The following FOXN3 variants were observed in gnomAD, a reference collection of about 807,000 sequenced individuals.
The protein encoded by FOXN3 is forkhead box N3.
Under a neutral mutation model 38.4 loss-of-function variants are expected in FOXN3, and 7 were observed. The observed-to-expected ratio is 0.18, with a 90% CI of 0.10 to 0.34. FOXN3 has a LOEUF of 0.34. FOXN3 is among the 10% of genes least tolerant of loss of function. The pLI, the probability that FOXN3 is intolerant of heterozygous loss-of-function variation, is 1.00. For synonymous variants in FOXN3, 230 were observed against 242.2 expected (o/e 0.95, Z 0.47); for missense variants, 456 against 613.4 (o/e 0.74, Z 2.71).
chr14:89,302,327 G>A (rs1313988472), intron 3 of FOXN3, among the ~76,000 whole-genome samples: 3 of 152,174 alleles, frequency 2.0e-5, no homozygotes, highest in African/African-American at 7.2e-5. Context: ...CTATGAGGGT[G>A]TGTCCATCAA....
intron 4 of FOXN3, among the ~76,000 whole-genome samples, chr14:89,262,957 T>C (rs776711320): frequency 2.6e-5 from 4 of 151,232 alleles, no homozygotes. Context: ...GGTATAATTA[T>C]ATATGTTTCC....
At position 89,262,060 on chromosome 14, in the gene FOXN3, C is replaced by T. The variant is rs140998893; in HGVS notation, c.745+18890G>A. 4.7e-3 allele frequency among the ~76,000 whole-genome samples: 708 copies of T among 151,970 alleles called. 5 individuals carry two copies. The highest frequency in any genetic ancestry group is 0.016 in the African/African-American group (672 of 41,454). On this transcript the variant is annotated intron_variant, in intron 4 of 5. Transcript: ENST00000557258. The stretch of plus-strand genomic sequence containing the variant: ...CAGAGGTTGCAGTGAGCCGAGATCG[C>T]GCACTGCACTCCAGCCTGGGTGACA...
chr14:89,439,009 C>T (rs546071957), intron 1 of FOXN3, among the ~76,000 whole-genome samples: 1 of 152,226 alleles, frequency 6.6e-6, no homozygotes, highest in East Asian at 1.9e-4. Context: ...CTGCCCACCT[C>T]GGCCTCCCAA....
At chr14:89,496,442 G>A (rs1893685700) in intron 1 of FOXN3, among the ~76,000 whole-genome samples, 1 of 151,932 alleles carries the variant, frequency 6.6e-6, no homozygotes, top group Admixed American at 6.6e-5. Context: ...TTCCTTCCCA[G>A]GAGTGCCAGC....
chr14:89,346,003 A>G (rs911826345), intron 3 of FOXN3, among the ~76,000 whole-genome samples: 2 of 152,226 alleles, frequency 1.3e-5, no homozygotes, highest in African/African-American at 4.8e-5. Flanking sequence ...CAGTGAGCCG[A>G]GATCGCGGCA....
Position 89,171,328 on chromosome 14 carries a change from A to G in FOXN3, c.852-8359T>C, listed in dbSNP as rs146233897. 9.3e-3 allele frequency among the ~76,000 whole-genome samples: 1,417 copies of G among 152,322 alleles called. 26 individuals carry two copies. The highest frequency in any genetic ancestry group is 0.032 in the African/African-American group (1,349 of 41,576). On this transcript the variant is annotated intron_variant, in intron 5 of 5. Coordinates refer to ENST00000557258, the MANE Select transcript of FOXN3 (RefSeq NM_005197.4). ...CCCACAAGGAAAACATCAGTGCCAG[A>G]CTATTTTGCAAGCAAGTTCCAACAA... is the stretch of plus-strand genomic sequence containing the variant.
intron 3 of FOXN3, among the ~76,000 whole-genome samples, chr14:89,287,072 G>A (rs1240648883): frequency 6.6e-6 from 1 of 152,078 alleles, no homozygotes; most frequent in Non-Finnish European, 1.5e-5. Flanking sequence ...GCAAGCCGGG[G>A]GCAATGTGTG....
At chr14:89,360,769 C>T (rs1889497693) in intron 2 of FOXN3, among the ~76,000 whole-genome samples, 1 of 106,852 alleles carries the variant, frequency 9.4e-6, no homozygotes, top group Admixed American at 8.9e-5. Context: ...TCCACCACTA[C>T]CACCTCCACC....
chr14:89,193,101 C>T (rs1888004402), intron 4 of FOXN3, among the ~76,000 whole-genome samples: 1 of 151,998 alleles, frequency 6.6e-6, no homozygotes, highest in Non-Finnish European at 1.5e-5. Flanking sequence ...CGATTTTTTC[C>T]TGCCAAGCAA....
At chr14:89,488,381 C>T (rs1302348361) in intron 1 of FOXN3, among the ~76,000 whole-genome samples, 2 of 151,970 alleles carry the variant, frequency 1.3e-5, no homozygotes, top group Non-Finnish European at 2.9e-5. Flanking sequence ...CATGGTGACT[C>T]ATGCCTGTAA....
In FOXN3 at chr14:89,157,587, G is replaced by A. The variant is rs1000955771; in HGVS notation, c.*4827C>T. ...GAACACCACACAATGTATATACTTTGATTTACACATTCCGTTACAAAGGAA... is the reference window on the plus strand; with the variant it reads ...GAACACCACACAATGTATATACTTTAATTTACACATTCCGTTACAAAGGAA... On this transcript the variant is annotated 3_prime_UTR_variant, in exon 6 of 6. Coordinates refer to ENST00000557258, the MANE Select transcript of FOXN3 (RefSeq NM_005197.4). 1 of 152,538 alleles carries A rather than the reference G, an allele frequency of 6.6e-6. No homozygotes were observed. Among genetic ancestry groups the A allele is most frequent in the Non-Finnish European group, 1.5e-5 (1 of 68,034 alleles). The allele number at this position is 152,538 out of a possible 1,614,324, so 9.4% of individuals were successfully genotyped here.
intron 4 of FOXN3, among the ~76,000 whole-genome samples, chr14:89,270,737 T>C (rs1240347946): frequency 6.6e-6 from 1 of 152,178 alleles, no homozygotes; most frequent in Non-Finnish European, 1.5e-5. Context: ...TCATCATCAA[T>C]CCTCATAGTA....
Position 89,412,998 on chromosome 14 carries a change from C to G in FOXN3, c.-14-508G>C, listed in dbSNP as rs1049336904. Among the ~76,000 whole-genome samples the G allele has an allele frequency of 3.3e-5, 5 of 152,132 alleles. No homozygotes were observed. The highest frequency in any genetic ancestry group is 7.3e-5 in the Non-Finnish European group (5 of 68,036). ...AGGAGAGCAACTGCCAGTTTCAAGA[C>G]AGCAAATTCAATTCAATTCAACAAA... On this transcript the variant is annotated intron_variant, in intron 1 of 5. Transcript: ENST00000557258. The surrounding 1 kb of genome is among the most constrained non-coding windows in gnomAD (Gnocchi z 4.7).
intron 2 of FOXN3, among the ~76,000 whole-genome samples, chr14:89,360,788 C>T: frequency 1.1e-5 from 1 of 88,852 alleles, no homozygotes; most frequent in East Asian, 2.8e-4. Flanking sequence ...CCACCACCTC[C>T]ACCACCACCA....
At chr14:89,242,521 C>T (rs1371576646) in intron 4 of FOXN3, among the ~76,000 whole-genome samples, 2 of 152,072 alleles carry the variant, frequency 1.3e-5, no homozygotes, top group South Asian at 2.1e-4. Flanking sequence ...GATTGCATTA[C>T]TCAAACAGAA....
At chr14:89,393,930 T>C (rs1470883595) in intron 2 of FOXN3, among the ~76,000 whole-genome samples, 1 of 152,134 alleles carries the variant, frequency 6.6e-6, no homozygotes, top group Non-Finnish European at 1.5e-5. Context: ...GGATAATTTA[T>C]AAAGACACAG....
chr14:89,198,280 C>G (rs1366192810), intron 4 of FOXN3, among the ~76,000 whole-genome samples: 1 of 152,106 alleles, frequency 6.6e-6, no homozygotes, highest in African/African-American at 2.4e-5. Context: ...TATAAGTAAC[C>G]TAGAGATAAT....
At chr14:89,421,497 C>CA (rs1180731641), upstream of FOXN3, among the ~76,000 whole-genome samples, 1 of 147,206 alleles carries the variant, frequency 6.8e-6, no homozygotes, top group Non-Finnish European at 1.5e-5. Flanking sequence ...TCCGTGTGGG[C>CA]AATTGGTTTA....
chr14:89,461,037 AAG>A (rs1491566684), intron 1 of FOXN3, among the ~76,000 whole-genome samples: 1 of 137,390 alleles, frequency 7.3e-6, no homozygotes, highest in African/African-American at 2.8e-5. Flanking sequence ...TTAAAAAAAA[AAG>A]GGGGGGGGAG....
Sources: allele counts gnomAD v4.1 joint callset (sites outside exome capture counted in the v4.1 genomes callset), GRCh38; gene constraint gnomAD v4.1.1; non-coding constraint Gnocchi (gnomAD v3.1); transcripts MANE v1.5; gene names NCBI Gene and HGNC (gene_info 2026-07-23, HGNC 2026-07-21).